The following DRICH1 variants were observed in gnomAD, a reference collection of about 807,000 sequenced individuals.
The protein encoded by DRICH1 is aspartate rich 1.
In DRICH1, 38 loss-of-function variants were observed where a neutral mutation model predicts 39.5. The ratio of observed to expected loss-of-function variants is 0.96; its 90% CI spans 0.74 to 1.26. The LOEUF (loss-of-function observed/expected upper bound fraction) is 1.26, where lower values mean the gene tolerates loss of function less well. DRICH1 is among the 50% of genes most tolerant of loss of function. The probability of loss-of-function intolerance (pLI) is 0.00; values close to 1 mark genes in which losing one functional copy is unlikely to be tolerated. For synonymous variants in DRICH1, 84 were observed against 99.5 expected (o/e 0.84, Z 0.93); for missense variants, 279 against 270.4 (o/e 1.03, Z -0.22).
chr22:23,601,177 C>T, the DRICH1 span, among the ~76,000 whole-genome samples: 5 of 151,984 alleles, frequency 3.3e-5, no homozygotes, highest in Non-Finnish European at 7.4e-5. Flanking sequence ...CACACACACA[C>T]GTGGAAACAG....
At chr22:23,628,679 T>C (rs1284492637) in intron 1 of DRICH1, among the ~76,000 whole-genome samples, 1 of 152,140 alleles carries the variant, frequency 6.6e-6, no homozygotes, top group Non-Finnish European at 1.5e-5. Flanking sequence ...AAAGAAAAAG[T>C]CATCTGTCCC....
chr22:23,601,949 C>A, the DRICH1 span, among the ~76,000 whole-genome samples: 1 of 151,686 alleles, frequency 6.6e-6, no homozygotes, highest in Non-Finnish European at 1.5e-5. Context: ...CCCCTGTAAT[C>A]CCAGCACTGT....
chr22:23,629,342 GTC>G (rs1256292307), intron 1 of DRICH1, among the ~76,000 whole-genome samples: 3 of 152,156 alleles, frequency 2.0e-5, no homozygotes, highest in Non-Finnish European at 4.4e-5. Context: ...CCCTGCCCAT[GTC>G]TTCCATTTAT....
chr22:23,606,049 CA>C (rs892475771), downstream of DRICH1, among the ~76,000 whole-genome samples: 1,348 of 92,152 alleles, frequency 0.015, 5 homozygotes, highest in Middle Eastern at 0.075. Flanking sequence ...ACTCCCGCCT[CA>C]AAAAAAAAAA....
chr22:23,614,450 C>T (rs891051109), intron 8 of DRICH1, among the ~76,000 whole-genome samples: 1 of 152,134 alleles, frequency 6.6e-6, no homozygotes, highest in Non-Finnish European at 1.5e-5. Flanking sequence ...AAAACAATCA[C>T]CCCCAAATGT....
chr22:23,622,072 CAAAG>C lies in DRICH1; in HGVS notation c.384+15_384+18del, dbSNP rs1927772422. The C allele has an allele frequency of 2.5e-6, 4 of 1,611,716 alleles. No homozygotes were observed. The highest frequency in any genetic ancestry group is 1.7e-4 in the Middle Eastern group (1 of 6,054). ...AGAAAACCAACATTTCCTTAGAAGA[CAAAG>C]AAAGATTGTCTTACCTGGGCATCAT... On this transcript the variant is annotated intron_variant, in intron 4 of 11. Transcript: ENST00000317749.
intron 5 of DRICH1, among the ~76,000 whole-genome samples, chr22:23,620,203 C>T (rs979293033): frequency 1.3e-5 from 2 of 152,130 alleles, no homozygotes; most frequent in Admixed American, 6.5e-5. Context: ...CCCTCACCTC[C>T]CAAGCAGCAG....
chr22:23,583,539 G>A, the DRICH1 span: 1 of 152,244 alleles, frequency 6.6e-6, no homozygotes, highest in Non-Finnish European at 1.5e-5. Flanking sequence ...GAGATCACGA[G>A]AGCCATAGTG....
In DRICH1 at chr22:23,625,980, C is replaced by T. The variant is rs202107018; in HGVS notation, c.276+1G>A. On this transcript the variant is annotated splice_donor_variant, in intron 2 of 11. Coordinates refer to ENST00000317749, the MANE Select transcript of DRICH1 (RefSeq NM_016449.4). LOFTEE classifies it high-confidence loss of function. ...TAGAAGGCAAAGAAAGGGGGTCTTA[C>T]CTTGGCATCATCATTGTCTTCCTCA... The T allele has an allele frequency of 4.5e-5, 72 of 1,608,756 alleles. No homozygotes were observed. In the African/African-American group the frequency reaches 7.9e-4, roughly 18 times the overall value.
chr22:23,601,623 G>A, the DRICH1 span, among the ~76,000 whole-genome samples: 1 of 152,122 alleles, frequency 6.6e-6, no homozygotes. Flanking sequence ...GGAGGGAAGT[G>A]TTCCCTTCTT....
intron 5 of DRICH1, among the ~76,000 whole-genome samples, chr22:23,620,008 T>G (rs1426957711): frequency 6.6e-6 from 1 of 152,084 alleles, no homozygotes; most frequent in African/African-American, 2.4e-5. Flanking sequence ...GATTTTGCAG[T>G]GCCAGAGGCA....
chr22:23,598,640 G>T, the DRICH1 span, among the ~76,000 whole-genome samples: 8 of 152,218 alleles, frequency 5.3e-5, no homozygotes, highest in Middle Eastern at 3.2e-3. Flanking sequence ...AGCCGTTCAG[G>T]GGAGGGGTGG....
intron 3 of DRICH1, among the ~76,000 whole-genome samples, chr22:23,623,519 G>A (rs750692028): frequency 1.3e-5 from 2 of 152,280 alleles, no homozygotes; most frequent in Non-Finnish European, 2.9e-5. Flanking sequence ...ATACAAATAA[G>A]TAGAAAGGCA....
At position 23,631,965 on chromosome 22, in the gene DRICH1, T is replaced by C. The variant is rs1602357341; in HGVS notation, c.59A>G (p.Asp20Gly). ...AGTATCAGATTCATAACAGGGTGCG[T>C]CCTTCCCCCTGGGCCAGCCACAGTG... ...NSHCGWPRGK[D>G]APCYESDTDI... Residue 20 changes from aspartate (D) to glycine (G), a missense_variant, in exon 1 of 12, where the codon GAC becomes GGC. By Grantham distance (94) the Asp-to-Gly change is moderately conservative. Transcript: ENST00000317749. 15 of 1,613,706 alleles carry C rather than the reference T, an allele frequency of 9.3e-6. No individual in the cohort carries two copies. The highest frequency in any genetic ancestry group is 3.5e-4 in the Middle Eastern group (2 of 5,718).
chr22:23,589,089 GACACAC>G, the DRICH1 span, among the ~76,000 whole-genome samples: 5,839 of 143,812 alleles, frequency 0.041, 347 homozygotes, highest in African/African-American at 0.13. Flanking sequence ...TCTCCCAGCT[GACACAC>G]ACACACACAC....
downstream of DRICH1, among the ~76,000 whole-genome samples, chr22:23,605,184 T>C (rs1926660868): frequency 6.6e-6 from 1 of 152,128 alleles, no homozygotes; most frequent in Non-Finnish European, 1.5e-5. Context: ...GAACAGGCCA[T>C]TGTGACCCAG....
At position 23,614,471 on chromosome 22, in the gene DRICH1, C is replaced by A. The variant is rs74827742; in HGVS notation, c.542-257G>T. On this transcript the variant is annotated intron_variant, in intron 8 of 11. Transcript: ENST00000317749. Reference sequence around the variant, plus strand: ...ATCACCCCCAAATGTAAGTAAAATGCACACTAAGGGTCAGTGGAAGAGTGC... The same window carrying A: ...ATCACCCCCAAATGTAAGTAAAATGAACACTAAGGGTCAGTGGAAGAGTGC... 8.1e-3 allele frequency among the ~76,000 whole-genome samples: 1,232 copies of A among 152,310 alleles called. 16 individuals carry two copies. The highest frequency in any genetic ancestry group is 0.027 in the African/African-American group (1,122 of 41,554).
Position 23,624,663 on chromosome 22 carries a change from T to G in DRICH1, c.298+220A>C, listed in dbSNP as rs575349158. Among the ~76,000 whole-genome samples the G allele has an allele frequency of 4.6e-5, 7 of 152,344 alleles. No homozygotes were observed. In the South Asian group the frequency reaches 6.2e-4, roughly 14 times the overall value. The stretch of plus-strand genomic sequence containing the variant: ...AGTCAGTGAGAGGTGCACTCACTTC[T>G]ACTCCAGGTGAAGACACACTGGCTC... On this transcript the variant is annotated intron_variant, in intron 3 of 11. Coordinates refer to ENST00000317749, the MANE Select transcript of DRICH1 (RefSeq NM_016449.4).
chr22:23,618,962 A>C (rs1927545024), intron 6 of DRICH1, among the ~76,000 whole-genome samples: 1 of 152,046 alleles, frequency 6.6e-6, no homozygotes, highest in Non-Finnish European at 1.5e-5. Flanking sequence ...TCACGAGGTC[A>C]AGAGATCGAG....
Sources: allele counts gnomAD v4.1 joint callset (sites outside exome capture counted in the v4.1 genomes callset), GRCh38; gene constraint gnomAD v4.1.1; transcripts MANE v1.5; gene names NCBI Gene and HGNC (gene_info 2026-07-23, HGNC 2026-07-21).